GAD2: variants seen among roughly 807,000 people sequenced by gnomAD.
The protein encoded by GAD2 is glutamate decarboxylase 2, also known as 65 kDa glutamic acid decarboxylase.
GAD2 carries 22 observed loss-of-function variants against 80.1 expected under a neutral mutation model. That is an observed-to-expected ratio of 0.27 (90% CI 0.20 to 0.39). The LOEUF is 0.39. Ranked by LOEUF, GAD2 falls within the 10% of genes least tolerant of loss-of-function variation. The pLI is 1.00. For missense variants in GAD2, 624 were observed against 738.4 expected (o/e 0.85, Z 1.80); for synonymous variants, 274 against 256.9 (o/e 1.07, Z -0.64).
chr10:26,273,415 A>G (rs1845161028), intron 10 of GAD2, among the ~76,000 whole-genome samples: 1 of 152,210 alleles, frequency 6.6e-6, no homozygotes. Context: ...ACCAGGAGCT[A>G]TGCCTCCAAG....
chr10:26,224,421 A>T, intron 5 of GAD2, 118 bp from the exon 6 acceptor site: 1 of 730,016 alleles, frequency 1.4e-6, no homozygotes. Context: ...TTAATGTTAT[A>T]ATCATAACAC....
intron 10 of GAD2, 65 bp downstream of exon 10, chr10:26,270,821 A>G: frequency 9.6e-7 from 1 of 1,039,066 alleles, no homozygotes; most frequent in Non-Finnish European, 1.5e-6. Flanking sequence ...GGACACACAA[A>G]GGAAATTTGT....
chr10:26,247,895 CAAAAAAAA>C (rs11407523), intron 8 of GAD2, among the ~76,000 whole-genome samples: 1 of 46,308 alleles, frequency 2.2e-5, no homozygotes, highest in Admixed American at 2.6e-4. Flanking sequence ...GACTCCATCT[CAAAAAAAA>C]AAAAAAAAAG....
intron 8 of GAD2, among the ~76,000 whole-genome samples, chr10:26,264,081 C>A (rs568049124): frequency 2.6e-5 from 4 of 152,264 alleles, no homozygotes; most frequent in African/African-American, 9.6e-5. Context: ...CTGCTAATAA[C>A]AATGTAACAA....
chr10:26,286,232 T>C (rs577306495), intron 12 of GAD2, 113 bp from the exon 13 acceptor site: 1 of 948,150 alleles, frequency 1.1e-6, no homozygotes, highest in African/African-American at 1.7e-5. Flanking sequence ...CTTACTGTTT[T>C]CTTTCTCTAA....
intron 12 of GAD2, 81 bp from the exon 13 acceptor site, chr10:26,286,264 C>A (rs977591008): frequency 8.6e-6 from 11 of 1,280,862 alleles, no homozygotes; most frequent in Non-Finnish European, 1.2e-5. Context: ...TCTCTTACTT[C>A]TTTTTTCTTA....
intron 8 of GAD2, among the ~76,000 whole-genome samples, chr10:26,250,519 C>T (rs1042010010): frequency 3.3e-5 from 5 of 151,216 alleles, no homozygotes; most frequent in South Asian, 2.1e-4. Context: ...AAGGAGGGGT[C>T]GGGAGAGGCA....
chr10:26,217,594 C>T lies in GAD2; in HGVS notation c.77-16C>T, dbSNP rs1844392419. The T allele has an allele frequency of 6.2e-7, 1 of 1,609,990 alleles. No individual in the cohort carries two copies. Among genetic ancestry groups the T allele is most frequent in the Non-Finnish European group, 8.5e-7 (1 of 1,178,104 alleles). On this transcript the variant is annotated splice_polypyrimidine_tract_variant and intron_variant, in intron 1 of 15. Transcript: ENST00000376261. The surrounding 1 kb of genome is among the most constrained non-coding windows in gnomAD (Gnocchi z 4.9). Reference sequence around the variant, plus strand: ...TCTTTCTGCCTCGCTGTCTGCCTGCCTATTCTTCCTTGCAGCGCGAGCCTG... The same window carrying T: ...TCTTTCTGCCTCGCTGTCTGCCTGCTTATTCTTCCTTGCAGCGCGAGCCTG...
chr10:26,225,423 A>T (rs1225360658), intron 6 of GAD2, among the ~76,000 whole-genome samples: 1 of 152,192 alleles, frequency 6.6e-6, no homozygotes, highest in African/African-American at 2.4e-5. Context: ...CAATGCAAAG[A>T]GAGTCACTGA....
chr10:26,277,990 T>G (rs75175322), intron 11 of GAD2, among the ~76,000 whole-genome samples: 2 of 131,926 alleles, frequency 1.5e-5, no homozygotes, highest in Non-Finnish European at 1.5e-5. Context: ...CCTGAGGCTG[T>G]TTTTTTTTTT....
intron 4 of GAD2, 113 bp downstream of exon 4, chr10:26,219,389 G>A (rs1844425722): frequency 1.5e-6 from 1 of 676,352 alleles, no homozygotes; most frequent in Non-Finnish European, 2.4e-6. Flanking sequence ...AAATTGCAAA[G>A]TTATTTTCAT....
chr10:26,221,955 G>A (rs1484470806), intron 4 of GAD2, among the ~76,000 whole-genome samples: 2 of 152,188 alleles, frequency 1.3e-5, no homozygotes, highest in African/African-American at 4.8e-5. Context: ...TTGCTGGGCA[G>A]CCCTAGGAAG....
chr10:26,285,818 C>T (rs7913676), intron 12 of GAD2, among the ~76,000 whole-genome samples: 34,043 of 151,114 alleles, frequency 0.23, 4,183 homozygotes, highest in African/African-American at 0.32. Flanking sequence ...CAATGAGCTG[C>T]CTTAAAAGCT....
intron 8 of GAD2, among the ~76,000 whole-genome samples, chr10:26,262,974 T>C (rs190325353): frequency 2.0e-5 from 3 of 152,288 alleles, no homozygotes; most frequent in Non-Finnish European, 4.4e-5. Context: ...CTGTCAGCTC[T>C]AATACTACCC....
In GAD2 at chr10:26,217,647, C is replaced by A. The variant is rs1235686175; in HGVS notation, c.114C>A (p.Gly38=). The A allele has an allele frequency of 1.2e-6, 2 of 1,613,572 alleles. No individual in the cohort carries two copies. Among genetic ancestry groups the A allele is most frequent in the African/African-American group, 1.3e-5 (1 of 74,944 alleles). The part of the protein sequence containing the change: ...AWCQVAQKFT[G]GIGNKLCALL... ...GCCAAGTGGCTCAGAAGTTCACGGGCGGCATCGGAAACAAACTGTGCGGTG... is the reference window on the plus strand; with the variant it reads ...GCCAAGTGGCTCAGAAGTTCACGGGAGGCATCGGAAACAAACTGTGCGGTG... The change falls in exon 2 of 16, where the codon GGC becomes GGA. Residue 38 remains glycine (G), a synonymous_variant. Transcript: ENST00000376261. This position sits in a 1 kb window ranked among gnomAD's most constrained non-coding sequence, Gnocchi z 4.9.
intron 12 of GAD2, among the ~76,000 whole-genome samples, chr10:26,285,199 GAAGCCTAAACTAC>G (rs1443177171): frequency 1.3e-5 from 2 of 152,102 alleles, no homozygotes; most frequent in African/African-American, 4.8e-5. Flanking sequence ...CAATATATGT[GAAGCCTAAACTAC>G]AAGGTAGAGT....
At chr10:26,237,929 C>T (rs1844694486) in intron 7 of GAD2, among the ~76,000 whole-genome samples, 1 of 151,544 alleles carries the variant, frequency 6.6e-6, no homozygotes, top group Non-Finnish European at 1.5e-5. Context: ...ATCACTTGAA[C>T]CCGGGAAGCA....
chr10:26,271,081 A>C (rs1845131799), intron 10 of GAD2, among the ~76,000 whole-genome samples: 1 of 152,238 alleles, frequency 6.6e-6, no homozygotes, highest in Admixed American at 6.5e-5. Context: ...CTACGCACAC[A>C]GTCCTGCTGT....
rs1474810085 is a variant in GAD2 at position 26,227,730 on chromosome 10, C to T, written c.725-1932C>T. 2.0e-5 allele frequency among the ~76,000 whole-genome samples: 3 copies of T among 152,260 alleles called. No individual in the cohort carries two copies. In the East Asian group the frequency reaches 5.8e-4, roughly 29 times the overall value. On this transcript the variant is annotated intron_variant, in intron 6 of 15. Coordinates refer to ENST00000376261, the MANE Select transcript of GAD2 (RefSeq NM_001134366.2). Reference sequence around the variant, plus strand: ...GTCAGCCCTCACCAGTTATGTTGCCCAAAATGTCAGGAAGTGCCAAAACCA... The same window carrying T: ...GTCAGCCCTCACCAGTTATGTTGCCTAAAATGTCAGGAAGTGCCAAAACCA...
Sources: gnomAD v4.1 joint callset for allele counts (sites outside exome capture counted in the v4.1 genomes callset) on GRCh38, gnomAD v4.1.1 for gene constraint, Gnocchi (gnomAD v3.1) non-coding constraint, MANE v1.5 for transcripts, NCBI Gene and HGNC (gene_info 2026-07-23, HGNC 2026-07-21) for gene names.